Variants in RSBN1L observed in about 807,000 individuals in gnomAD.
RSBN1L encodes round spermatid basic protein 1 like, also known as lysine-specific demethylase RSBN1L.
RSBN1L carries 30 observed loss-of-function variants against 67.7 expected under a neutral mutation model. That is an observed-to-expected ratio of 0.44 (90% CI 0.33 to 0.60). The LOEUF (loss-of-function observed/expected upper bound fraction) is 0.60. Ranked by LOEUF, RSBN1L falls within the 20% of genes least tolerant of loss-of-function variation. RSBN1L has a pLI of 0.02. For missense variants in RSBN1L, 992 were observed against 1,031.7 expected, an observed-to-expected ratio of 0.96 and a Z score of 0.53; for synonymous variants, 433 against 387.0, an observed-to-expected ratio of 1.12 and a Z score of -1.39.
chr7:77,707,790 T>C (rs1228385635), intron 1 of RSBN1L, among the ~76,000 whole-genome samples: 1 of 152,210 alleles, frequency 6.6e-6, no homozygotes, highest in Non-Finnish European at 1.5e-5. Context: ...CATAAGCTTA[T>C]GCAGTGAGTA....
chr7:77,740,833 G>T (rs1791398857), intron 2 of RSBN1L, among the ~76,000 whole-genome samples: 2 of 151,744 alleles, frequency 1.3e-5, no homozygotes, highest in Admixed American at 1.3e-4. Context: ...CTGCATCTCT[G>T]TTTCTGATTC....
intron 1 of RSBN1L, among the ~76,000 whole-genome samples, chr7:77,709,158 G>GTT (rs1790934051): frequency 1.8e-5 from 1 of 54,388 alleles, no homozygotes; most frequent in African/African-American, 3.9e-5. Context: ...CTGTTTGTGT[G>GTT]TGTGTGTGTG....
At chr7:77,775,928 C>T (rs1434886770) in intron 6 of RSBN1L, among the ~76,000 whole-genome samples, 1 of 151,998 alleles carries the variant, frequency 6.6e-6, no homozygotes, top group Non-Finnish European at 1.5e-5. Flanking sequence ...TGGTGGCACA[C>T]ACCTGTAATC....
intron 1 of RSBN1L, among the ~76,000 whole-genome samples, chr7:77,701,569 A>C (rs1363302662): frequency 6.6e-6 from 1 of 151,736 alleles, no homozygotes; most frequent in Non-Finnish European, 1.5e-5. Flanking sequence ...CAATCCTTTC[A>C]CTGAATTTTA....
chr7:77,725,946 TGC>T (rs201785385), intron 1 of RSBN1L, among the ~76,000 whole-genome samples: 148 of 150,918 alleles, frequency 9.8e-4, no homozygotes, highest in African/African-American at 3.2e-3. Context: ...TTCTGTAACC[TGC>T]TTTTTTTTTT....
Position 77,779,739 on chromosome 7 carries a change from CTATT to C in RSBN1L, c.*574_*577del, listed in dbSNP as rs1187688446. ...TGATAATGATTCTCTGCTGGTATAT[CTATT>C]TAGTGTGGTATTGTAGTGCAAATGT... On this transcript the variant is annotated 3_prime_UTR_variant, in exon 8 of 8. Coordinates refer to ENST00000334955, the MANE Select transcript of RSBN1L (RefSeq NM_198467.3). 5.3e-5 allele frequency: 8 copies of C among 150,414 alleles called. No individual in the cohort carries two copies. The highest frequency in any genetic ancestry group is 1.7e-4 in the African/African-American group (7 of 40,854). 9.3% of individuals were successfully genotyped at this position (150,414 alleles called of 1,614,324 possible).
chr7:77,742,182 T>TACAC (rs1169498942), intron 2 of RSBN1L, among the ~76,000 whole-genome samples: 2,304 of 80,254 alleles, frequency 0.029, 69 homozygotes, highest in East Asian at 0.11. Context: ...AAAAAAAAAA[T>TACAC]ACACACACAC....
At chr7:77,704,524 C>T (rs1439496184) in intron 1 of RSBN1L, among the ~76,000 whole-genome samples, 1 of 152,066 alleles carries the variant, frequency 6.6e-6, no homozygotes, top group Non-Finnish European at 1.5e-5. Context: ...TGGGTGTACC[C>T]ATTATGCTAC....
intron 3 of RSBN1L, among the ~76,000 whole-genome samples, 199 bp downstream of exon 3, chr7:77,750,263 T>G (rs962320673): frequency 2.7e-5 from 4 of 148,616 alleles, no homozygotes; most frequent in Non-Finnish European, 5.9e-5. Flanking sequence ...TGTTTTTTTT[T>G]AAAGACAATT....
intron 2 of RSBN1L, among the ~76,000 whole-genome samples, chr7:77,739,159 G>A (rs1159832216): frequency 6.6e-6 from 1 of 152,132 alleles, no homozygotes; most frequent in Non-Finnish European, 1.5e-5. Context: ...GGTAGGGAAA[G>A]GCATCTTTTG....
chr7:77,779,254 C>CTT lies in RSBN1L; in HGVS notation c.*87_*88insTT. On this transcript the variant is annotated 3_prime_UTR_variant, in exon 8 of 8. Transcript: ENST00000334955. ...ATTCTGAAAGCAAGCCAAGGACTTG[C>CTT]TCCTATGTCTGTTACAAAACATAGT... is the stretch of plus-strand genomic sequence containing the variant. 15 of 905,736 alleles carry CTT rather than the reference C, an allele frequency of 1.7e-5. No individual in the cohort carries two copies. Among genetic ancestry groups the CTT allele is most frequent in the Non-Finnish European group, 2.3e-5 (14 of 602,160 alleles). 56.1% of individuals were successfully genotyped at this position (905,736 alleles called of 1,614,324 possible).
Position 77,750,051 on chromosome 7 carries a change from A to G in RSBN1L, c.1331A>G (p.Asn444Ser), listed in dbSNP as rs1246920957. 1 of 1,588,784 alleles carries G rather than the reference A, an allele frequency of 6.3e-7. No individual in the cohort carries two copies. Among genetic ancestry groups the G allele is most frequent in the East Asian group, 2.2e-5 (1 of 44,644 alleles). The stretch of plus-strand genomic sequence containing the variant: ...GATATAGAGACAACGACTATGTCCA[A>G]TTTTCATGCTCAGGTAAGAGGTTTT... ...KKDIETTTMSNFHAQVKRTYS... is the reference protein window; with the variant it reads ...KKDIETTTMSSFHAQVKRTYS... Residue 444 changes from asparagine to serine, a missense_variant, in exon 3 of 8, where the codon AAT becomes AGT. By Grantham distance (46) the Asn-to-Ser change is conservative. This residue lies in a region of RSBN1L where 63 missense variants were observed against 84.8 expected (regional missense o/e 0.74). Transcript: ENST00000334955.
chr7:77,725,927 T>C (rs1222694753), intron 1 of RSBN1L, among the ~76,000 whole-genome samples: 1 of 152,154 alleles, frequency 6.6e-6, no homozygotes, highest in East Asian at 1.9e-4. Context: ...ATACTATATA[T>C]ATGCCTTTTT....
At chr7:77,705,427 A>T (rs192216186) in intron 1 of RSBN1L, among the ~76,000 whole-genome samples, 2 of 151,792 alleles carry the variant, frequency 1.3e-5, no homozygotes, top group East Asian at 3.9e-4. Flanking sequence ...CAGGAGGCAT[A>T]CAGTCTTTAG....
intron 1 of RSBN1L, among the ~76,000 whole-genome samples, chr7:77,719,269 T>C (rs1791085833): frequency 6.6e-6 from 1 of 152,172 alleles, no homozygotes; most frequent in African/African-American, 2.4e-5. Flanking sequence ...TATACAACTT[T>C]TAAAAAATGT....
At chr7:77,734,538 G>A (rs2150420307) in intron 1 of RSBN1L, among the ~76,000 whole-genome samples, 1 of 151,874 alleles carries the variant, frequency 6.6e-6, no homozygotes, top group South Asian at 2.1e-4. Context: ...ACCCAGCCTG[G>A]AGTGCAGTGG....
At chr7:77,753,867 A>G (rs1791584794) in intron 3 of RSBN1L, among the ~76,000 whole-genome samples, 1 of 152,242 alleles carries the variant, frequency 6.6e-6, no homozygotes, top group South Asian at 2.1e-4. Flanking sequence ...ATGTTTTTCC[A>G]TATAAATATA....
intron 1 of RSBN1L, among the ~76,000 whole-genome samples, chr7:77,698,145 A>T (rs1790765874): frequency 6.6e-6 from 1 of 152,254 alleles, no homozygotes; most frequent in South Asian, 2.1e-4. Flanking sequence ...TCACAACTTA[A>T]AACATGCTGC....
At chr7:77,742,113 T>C (rs1791418199) in intron 2 of RSBN1L, among the ~76,000 whole-genome samples, 1 of 149,834 alleles carries the variant, frequency 6.7e-6, no homozygotes, top group Admixed American at 6.7e-5. Flanking sequence ...GAGGATTGCT[T>C]GAGCCTGGGA....
Sources: allele counts gnomAD v4.1 joint callset (sites outside exome capture counted in the v4.1 genomes callset), GRCh38; gene constraint gnomAD v4.1.1; regional missense constraint gnomAD v4.1.1; transcripts MANE v1.5; gene names NCBI Gene and HGNC (gene_info 2026-07-23, HGNC 2026-07-21).